Variants in CSMD1 observed in about 807,000 individuals in gnomAD.
CSMD1 encodes the protein CUB and Sushi multiple domains 1.
A neutral mutation model predicts 417.5 loss-of-function variants in CSMD1; 213 were observed. That is an observed-to-expected ratio of 0.51 (90% CI 0.46 to 0.57). The LOEUF is 0.57. Ranked by LOEUF, CSMD1 falls within the 20% of genes least tolerant of loss-of-function variation. The pLI, the probability that CSMD1 is intolerant of heterozygous loss-of-function variation, is 0.00. For missense variants in CSMD1, 6,923 were observed against 4,529.7 expected (o/e 1.53, Z -15.17); for synonymous variants, 2,862 against 1,736.8 (o/e 1.65, Z -16.11).
At chr8:4,094,054 C>G (rs1388087424) in intron 3 of CSMD1, among the ~76,000 whole-genome samples, 1 of 151,870 alleles carries the variant, frequency 6.6e-6, no homozygotes, top group Non-Finnish European at 1.5e-5. Flanking sequence ...CACCAGAGAG[C>G]TGGTGTGAAG....
intron 2 of CSMD1, among the ~76,000 whole-genome samples, chr8:4,545,665 G>C (rs896585337): frequency 2.0e-5 from 3 of 152,192 alleles, no homozygotes; most frequent in African/African-American, 7.2e-5. Flanking sequence ...GAGTTTCCCA[G>C]TGTGCAGTGA....
chr8:3,250,282 C>T (rs1176747391), intron 26 of CSMD1, among the ~76,000 whole-genome samples: 2 of 152,114 alleles, frequency 1.3e-5, no homozygotes, highest in African/African-American at 4.8e-5. Context: ...TTGTTCAATT[C>T]CCACCTATGA....
At chr8:3,373,330 C>T (rs926382388) in intron 18 of CSMD1, 2 of 152,196 alleles carry the variant, frequency 1.3e-5, no homozygotes, top group African/African-American at 2.4e-5. Context: ...TGACCAGCCC[C>T]GTCATGCTGC....
At chr8:4,615,065 C>A (rs571699122) in intron 2 of CSMD1, among the ~76,000 whole-genome samples, 17 of 152,276 alleles carry the variant, frequency 1.1e-4, no homozygotes, top group African/African-American at 3.9e-4. Context: ...TCCTATTTGT[C>A]TCAGATCTAC....
chr8:4,603,231 T>C (rs1347093998), intron 2 of CSMD1, among the ~76,000 whole-genome samples: 2 of 152,098 alleles, frequency 1.3e-5, no homozygotes, highest in Non-Finnish European at 2.9e-5. Flanking sequence ...AAAATTCTCT[T>C]TTCTTGAACC....
intron 1 of CSMD1, among the ~76,000 whole-genome samples, chr8:4,898,374 A>C (rs976928243): frequency 6.6e-6 from 1 of 152,114 alleles, no homozygotes; most frequent in East Asian, 1.9e-4. Context: ...CACACCTGCC[A>C]TTTTTTTGCA....
chr8:4,400,234 G>T (rs1804555524), intron 3 of CSMD1, among the ~76,000 whole-genome samples: 1 of 152,202 alleles, frequency 6.6e-6, no homozygotes, highest in Non-Finnish European at 1.5e-5. Context: ...CAAACTTATG[G>T]ACATGGAAGA....
chr8:4,963,307 C>G (rs141152027), intron 1 of CSMD1, among the ~76,000 whole-genome samples: 1 of 152,184 alleles, frequency 6.6e-6, no homozygotes, highest in Non-Finnish European at 1.5e-5. Flanking sequence ...TTCAAGCAAT[C>G]ATGTGCCTCA....
At chr8:3,915,786 G>A (rs114870285) in intron 5 of CSMD1, among the ~76,000 whole-genome samples, 5,049 of 146,920 alleles carry the variant, frequency 0.034, 272 homozygotes, top group African/African-American at 0.12. Flanking sequence ...TAAAATTTTC[G>A]TATCAATTTT....
chr8:3,240,167 C>G lies in CSMD1; in HGVS notation c.4154-9936G>C, dbSNP rs191558823. On this transcript the variant is annotated intron_variant, in intron 26 of 69. Coordinates refer to ENST00000635120, the MANE Select transcript of CSMD1 (RefSeq NM_033225.6). ...GTAAAAAGGCTACTCGGTGCGGTCC[C>G]GGTTCTTGTGTAAGAATTCTGACTG... 1.8e-3 allele frequency among the ~76,000 whole-genome samples: 279 copies of G among 152,100 alleles called. 3 individuals are homozygous for G. The highest frequency in any genetic ancestry group is 6.5e-3 in the African/African-American group (268 of 41,488).
intron 10 of CSMD1, among the ~76,000 whole-genome samples, chr8:3,530,854 C>T (rs1797950883): frequency 7.8e-6 from 1 of 128,616 alleles, no homozygotes; most frequent in African/African-American, 2.7e-5. Flanking sequence ...TGACGCCTCT[C>T]CTTTTTCCTA....
intron 30 of CSMD1, among the ~76,000 whole-genome samples, chr8:3,210,253 C>T (rs1048323593): frequency 6.6e-6 from 1 of 152,082 alleles, no homozygotes; most frequent in Non-Finnish European, 1.5e-5. Context: ...AGATTTATAA[C>T]ATAAAGCTTT....
At chr8:4,975,753 C>G (rs9657407) in intron 1 of CSMD1, among the ~76,000 whole-genome samples, 24,039 of 152,164 alleles carry the variant, frequency 0.16, 2,089 homozygotes, top group East Asian at 0.31. Context: ...ACACGGCCAA[C>G]TGTTTCCATA....
chr8:4,296,733 T>C lies in CSMD1; in HGVS notation c.415+123220A>G, dbSNP rs1455980534. ...TTTTTTTTCTCCAGGGCTTACACTC[T>C]ATTGGGTATATTTCTACTGTATAAT... On this transcript the variant is annotated intron_variant, in intron 3 of 69. Coordinates refer to ENST00000635120, the MANE Select transcript of CSMD1 (RefSeq NM_033225.6). Among the ~76,000 whole-genome samples the C allele has an allele frequency of 2.2e-5, 3 of 133,460 alleles. No individual in the cohort carries two copies. In the East Asian group the frequency reaches 7.7e-4, roughly 34 times the overall value. The allele number at this position is 133,460 out of a possible 152,430, so 87.6% of individuals were successfully genotyped here.
At chr8:4,727,444 A>G (rs1412786218) in intron 1 of CSMD1, among the ~76,000 whole-genome samples, 1 of 152,208 alleles carries the variant, frequency 6.6e-6, no homozygotes, top group Non-Finnish European at 1.5e-5. Context: ...TATGCGTAAG[A>G]TAGTTCTAAA....
chr8:3,306,734 AAC>A (rs1307336827), intron 25 of CSMD1, among the ~76,000 whole-genome samples: 1 of 152,222 alleles, frequency 6.6e-6, no homozygotes, highest in African/African-American at 2.4e-5. Flanking sequence ...CTTCATTTTA[AAC>A]AAGAACTAAA....
chr8:4,175,335 G>T (rs184398192), intron 3 of CSMD1, among the ~76,000 whole-genome samples: 1 of 152,146 alleles, frequency 6.6e-6, no homozygotes, highest in East Asian at 1.9e-4. Flanking sequence ...AGTTATCTTC[G>T]TCACTTTTTT....
chr8:4,571,647 G>T (rs1039942432), intron 2 of CSMD1, among the ~76,000 whole-genome samples: 1 of 151,778 alleles, frequency 6.6e-6, no homozygotes, highest in Non-Finnish European at 1.5e-5. Context: ...TTCTATAGAT[G>T]TACTAGGTCC....
chr8:4,667,128 C>G (rs1804988803), intron 1 of CSMD1, among the ~76,000 whole-genome samples: 1 of 152,104 alleles, frequency 6.6e-6, no homozygotes, highest in Admixed American at 6.6e-5. Flanking sequence ...CATTGTGTTA[C>G]CTTGTCCCCT....
Sources: gnomAD v4.1 joint callset for allele counts (sites outside exome capture counted in the v4.1 genomes callset) on GRCh38, gnomAD v4.1.1 for gene constraint, MANE v1.5 for transcripts, NCBI Gene and HGNC (gene_info 2026-07-23, HGNC 2026-07-21) for gene names.